Variants in TADA2A observed in about 807,000 individuals in gnomAD.
TADA2A encodes the protein transcriptional adaptor 2A, also known as transcriptional adapter 2-alpha.
TADA2A carries 38 observed loss-of-function variants against 67.4 expected under a neutral mutation model. The observed-to-expected ratio is 0.56, with a 90% CI of 0.44 to 0.74. The LOEUF (loss-of-function observed/expected upper bound fraction) is 0.74, where lower values mean the gene tolerates loss of function less well. TADA2A is among the 30% of genes least tolerant of loss of function. TADA2A has a pLI of 0.00. For synonymous variants in TADA2A, 192 were observed against 181.6 expected (o/e 1.06, Z -0.46); for missense variants, 454 against 547.0 (o/e 0.83, Z 1.70).
chr17:37,465,722 G>T (rs1672156738), intron 11 of TADA2A, 181 bp downstream of exon 11: 2 of 1,057,170 alleles, frequency 1.9e-6, no homozygotes, highest in Non-Finnish European at 2.6e-6. Flanking sequence ...AGGTTAAAAA[G>T]CCCTAATGAC....
intron 11 of TADA2A, among the ~76,000 whole-genome samples, chr17:37,466,819 T>A (rs2053673821): frequency 6.6e-6 from 1 of 152,198 alleles, no homozygotes; most frequent in African/African-American, 2.4e-5. Context: ...TTTGTAGAAC[T>A]TTTAATAGAA....
At chr17:37,465,084 G>A (rs2053634607) in intron 10 of TADA2A, among the ~76,000 whole-genome samples, 1 of 151,410 alleles carries the variant, frequency 6.6e-6, no homozygotes, top group African/African-American at 2.4e-5. Flanking sequence ...GGAGATGGAG[G>A]TTGCAGTGCG....
intron 3 of TADA2A, among the ~76,000 whole-genome samples, chr17:37,425,706 TG>T (rs1210730106): frequency 6.6e-6 from 1 of 152,118 alleles, no homozygotes; most frequent in African/African-American, 2.4e-5. Context: ...TGGAGTGCAG[TG>T]GCATGATCAT....
chr17:37,427,140 CTT>C, intron 4 of TADA2A, 131 bp downstream of exon 4: 1 of 666,734 alleles, frequency 1.5e-6, no homozygotes, highest in Non-Finnish European at 2.3e-6. Flanking sequence ...CTCTGAGTAT[CTT>C]TACCTTTTCT....
chr17:37,436,189 T>C (rs528561663), intron 4 of TADA2A, among the ~76,000 whole-genome samples: 1 of 152,232 alleles, frequency 6.6e-6, no homozygotes, highest in East Asian at 1.9e-4. Context: ...AAAGAAACAT[T>C]TTAAGATTTG....
chr17:37,478,695 C>G lies in TADA2A; in HGVS notation c.*1713C>G, dbSNP rs1302276534. On this transcript the variant is annotated 3_prime_UTR_variant, in exon 16 of 16. Transcript: ENST00000615182. ...ACTTCGTCAGAATCGACACAAATCA[C>G]ATCGAATAGTTGACTGTTTAATTCC... 1 of 152,200 alleles carries G rather than the reference C, an allele frequency of 6.6e-6. No individual in the cohort carries two copies. 9.4% of individuals were successfully genotyped at this position (152,200 alleles called of 1,614,324 possible). A position where few individuals can be genotyped will look rare whatever the true frequency, so the allele number is the denominator to read the frequency against.
chr17:37,410,558 G>T (rs139903657), intron 1 of TADA2A, among the ~76,000 whole-genome samples: 4 of 152,036 alleles, frequency 2.6e-5, no homozygotes. Context: ...ACAGAAACTC[G>T]TTCAGTCTTA....
At chr17:37,437,157 C>T (rs2052752756) in intron 4 of TADA2A, among the ~76,000 whole-genome samples, 1 of 113,416 alleles carries the variant, frequency 8.8e-6, no homozygotes, top group South Asian at 2.9e-4. Flanking sequence ...GCGATCTCAG[C>T]TCACTGCAAG....
At chr17:37,437,883 T>G in intron 5 of TADA2A, 54 bp downstream of exon 5, 1 of 1,535,750 alleles carries the variant, frequency 6.5e-7, no homozygotes, top group Middle Eastern at 1.7e-4. Context: ...GAGAAGAAGC[T>G]GTTGTTGAAG....
chr17:37,458,861 A>G (rs2053473704), intron 9 of TADA2A, among the ~76,000 whole-genome samples: 1 of 151,814 alleles, frequency 6.6e-6, no homozygotes, highest in African/African-American at 2.4e-5. Flanking sequence ...TATTTTTTGT[A>G]GATACGGGGT....
intron 1 of TADA2A, among the ~76,000 whole-genome samples, chr17:37,409,777 C>G (rs982037172): frequency 4.7e-5 from 6 of 128,032 alleles, no homozygotes; most frequent in Admixed American, 3.3e-4. Flanking sequence ...CAAAAAAAAA[C>G]AAAAACAAAA....
At chr17:37,449,644 G>T (rs1381614048) in intron 8 of TADA2A, among the ~76,000 whole-genome samples, 1 of 149,742 alleles carries the variant, frequency 6.7e-6, no homozygotes, top group Non-Finnish European at 1.5e-5. Context: ...TTTTGAGACA[G>T]GGTCACGCCC....
At chr17:37,440,915 C>T (rs1014301055) in intron 6 of TADA2A, among the ~76,000 whole-genome samples, 12 of 152,070 alleles carry the variant, frequency 7.9e-5, no homozygotes, top group Middle Eastern at 6.8e-3. Context: ...GCCAACATGG[C>T]GAAACCCTGT....
At chr17:37,458,669 GTGTGTCTGTGTC>G in intron 9 of TADA2A, 82 bp downstream of exon 9, 1 of 915,444 alleles carries the variant, frequency 1.1e-6, no homozygotes, top group Non-Finnish European at 1.6e-6. Context: ...GTGTGTGTGT[GTGTGTCTGTGTC>G]TGTGTCTGTG....
intron 9 of TADA2A, among the ~76,000 whole-genome samples, chr17:37,459,969 G>C (rs1376379475): frequency 6.6e-6 from 1 of 151,658 alleles, no homozygotes; most frequent in African/African-American, 2.4e-5. Flanking sequence ...GGGAGGCTGA[G>C]GCAGGAGAAT....
At chr17:37,443,151 G>A (rs60118041) in intron 7 of TADA2A, among the ~76,000 whole-genome samples, 35,410 of 151,710 alleles carry the variant, frequency 0.23, 4,550 homozygotes, top group East Asian at 0.54. Flanking sequence ...AACAGAGTAA[G>A]ACCCTGTCTC....
chr17:37,459,503 G>C (rs2053492459), intron 9 of TADA2A, among the ~76,000 whole-genome samples: 1 of 150,786 alleles, frequency 6.6e-6, no homozygotes, highest in African/African-American at 2.4e-5. Context: ...GGCTGGTCTT[G>C]AACTCCCCAC....
chr17:37,438,725 G>A (rs1413600008), intron 5 of TADA2A, among the ~76,000 whole-genome samples: 1 of 152,160 alleles, frequency 6.6e-6, no homozygotes, highest in African/African-American at 2.4e-5. Flanking sequence ...TACCAAAGGA[G>A]GTAGAAAAGT....
rs536286456 is a variant in TADA2A, at chr17:37,443,451, A to T, written c.531+799A>T. Among the ~76,000 whole-genome samples the T allele has an allele frequency of 2.6e-5, 4 of 152,028 alleles. No individual in the cohort carries two copies. In the South Asian group the frequency reaches 8.3e-4, roughly 32 times the overall value. ...GTATTTTTAGTAGAGATAGGGTTTC[A>T]CCATGTTGGCCAGGCTGGTCTCAAA... On this transcript the variant is annotated intron_variant, in intron 7 of 15. Transcript: ENST00000615182.
Sources: allele counts gnomAD v4.1 joint callset (sites outside exome capture counted in the v4.1 genomes callset), GRCh38; gene constraint gnomAD v4.1.1; transcripts MANE v1.5; gene names NCBI Gene and HGNC (gene_info 2026-07-23, HGNC 2026-07-21).